USP3: variants seen among roughly 807,000 people sequenced by gnomAD.
USP3 encodes the protein ubiquitin specific peptidase 3, also known as ubiquitin carboxyl-terminal hydrolase 3.
Under a neutral mutation model 72.3 loss-of-function variants are expected in USP3, and 20 were observed. The ratio of observed to expected loss-of-function variants is 0.28; its 90% CI spans 0.19 to 0.40. The LOEUF (loss-of-function observed/expected upper bound fraction) is 0.40, where lower values mean the gene tolerates loss of function less well. Ranked by LOEUF, USP3 falls within the 10% of genes least tolerant of loss-of-function variation. USP3 has a pLI of 1.00. For missense variants in USP3, 479 were observed against 633.9 expected, an observed-to-expected ratio of 0.76 and a Z score of 2.62; for synonymous variants, 222 against 225.3, an observed-to-expected ratio of 0.99 and a Z score of 0.13.
rs1165111323 is a variant in USP3 at position 63,528,322 on chromosome 15, A to C, written c.92-4325A>C. ...CACACCGCTATGGCCAAGTGTGAGA[A>C]ATAAATTGCATGGCTTCCTTTTCCC... On this transcript the variant is annotated intron_variant, in intron 1 of 14. Coordinates refer to ENST00000380324, the MANE Select transcript of USP3 (RefSeq NM_006537.4). The surrounding 1 kb of genome is among the most constrained non-coding windows in gnomAD (Gnocchi z 4.3). 6.6e-6 allele frequency among the ~76,000 whole-genome samples: 1 copy of C among 152,204 alleles called. No homozygotes were observed. Among genetic ancestry groups the C allele is most frequent in the Non-Finnish European group, 1.5e-5 (1 of 68,028 alleles).
intron 1 of USP3, among the ~76,000 whole-genome samples, chr15:63,505,039 C>T (rs1404213036): frequency 2.0e-5 from 3 of 150,758 alleles, no homozygotes; most frequent in Non-Finnish European, 4.4e-5. Context: ...ACGGCCGGGC[C>T]AGCGAAGGAG....
intron 11 of USP3, among the ~76,000 whole-genome samples, chr15:63,579,582 A>G (rs2066919432): frequency 6.6e-6 from 1 of 152,170 alleles, no homozygotes; most frequent in South Asian, 2.1e-4. Flanking sequence ...CAATATTTAA[A>G]TGTGAAACAT....
chr15:63,567,454 C>T (rs537727359), intron 8 of USP3, among the ~76,000 whole-genome samples: 1 of 151,150 alleles, frequency 6.6e-6, no homozygotes, highest in South Asian at 2.1e-4. Flanking sequence ...TCACACCATT[C>T]TCCTGCCTCA....
chr15:63,537,245 C>T (rs2066171522), intron 3 of USP3, 89 bp downstream of exon 3: 3 of 1,415,268 alleles, frequency 2.1e-6, no homozygotes, highest in South Asian at 1.5e-5. Flanking sequence ...AAGCCAGTTA[C>T]TACTGCTGTT....
rs74018128 is a variant in USP3, at chr15:63,574,509, G to A, written c.1096+106G>A. On this transcript the variant is annotated intron_variant, in intron 11 of 14. Coordinates refer to ENST00000380324, the MANE Select transcript of USP3 (RefSeq NM_006537.4). This position sits in a 1 kb window ranked among gnomAD's most constrained non-coding sequence, Gnocchi z 4.6. ...TTTAATTAATATCTTTAATGAATCT[G>A]TGTTGTAACTTAACAAAAGTCAAAC... is the stretch of plus-strand genomic sequence containing the variant. 21 of 815,830 alleles carry A rather than the reference G, an allele frequency of 2.6e-5. No individual in the cohort carries two copies. The highest frequency in any genetic ancestry group is 7.5e-5 in the Admixed American group (2 of 26,592). 50.5% of individuals were successfully genotyped at this position (815,830 alleles called of 1,614,324 possible).
In USP3 at chr15:63,590,915, T is replaced by C. The variant is rs542672617; in HGVS notation, c.*89T>C. On this transcript the variant is annotated 3_prime_UTR_variant, in exon 15 of 15. Transcript: ENST00000380324. ...CTTGATACAAGATTTAATTTCATTA[T>C]GCACTTTTCAATTTCCTATTTTGGA... 3.5e-6 allele frequency: 5 copies of C among 1,419,346 alleles called. No individual in the cohort carries two copies. Among genetic ancestry groups the C allele is most frequent in the African/African-American group, 1.4e-5 (1 of 69,034 alleles). The allele number at this position is 1,419,346 out of a possible 1,614,324, so 87.9% of individuals were successfully genotyped here. A position where few individuals can be genotyped will look rare whatever the true frequency, so the allele number is the denominator to read the frequency against.
intron 1 of USP3, among the ~76,000 whole-genome samples, chr15:63,519,150 A>G (rs999017827): frequency 6.6e-6 from 1 of 152,156 alleles, no homozygotes; most frequent in Non-Finnish European, 1.5e-5. Flanking sequence ...TGCACATTCC[A>G]TGTTCAGATT....
chr15:63,519,962 C>T (rs555945786), intron 1 of USP3, among the ~76,000 whole-genome samples: 4 of 152,138 alleles, frequency 2.6e-5, no homozygotes, highest in African/African-American at 7.2e-5. Flanking sequence ...TTTGGGCACG[C>T]GCCGTCATTC....
chr15:63,563,625 G>A (rs1416774781), intron 8 of USP3, among the ~76,000 whole-genome samples: 1 of 152,202 alleles, frequency 6.6e-6, no homozygotes, highest in Non-Finnish European at 1.5e-5. Context: ...TCCCTGTAGG[G>A]ATTCGGGTGA....
rs889139800 is a variant in USP3 at position 63,544,476 on chromosome 15, T to C, written c.284+7320T>C. The C allele has an allele frequency of 1.9e-6, 1 of 532,194 alleles. No individual in the cohort carries two copies. Among genetic ancestry groups the C allele is most frequent in the Non-Finnish European group, 3.3e-6 (1 of 301,686 alleles). The allele number at this position is 532,194 out of a possible 1,614,324, so 33.0% of individuals were successfully genotyped here. ...TATTGTTTTGACTTTAGTAGACTAG[T>C]GTTTTGTCTTTTAGAATTAGAGGGG... On this transcript the variant is annotated intron_variant, in intron 3 of 14. Coordinates refer to ENST00000380324, the MANE Select transcript of USP3 (RefSeq NM_006537.4). This position sits in a 1 kb window ranked among gnomAD's most constrained non-coding sequence, Gnocchi z 4.2.
chr15:63,557,233 G>C (rs1435607843), intron 5 of USP3, among the ~76,000 whole-genome samples: 4 of 151,874 alleles, frequency 2.6e-5, no homozygotes, highest in Admixed American at 2.0e-4. Flanking sequence ...ACCACGCCTG[G>C]CTAATTTTTG....
chr15:63,571,873 T>G (rs1487968060), intron 9 of USP3, among the ~76,000 whole-genome samples: 3 of 152,220 alleles, frequency 2.0e-5, no homozygotes, highest in Non-Finnish European at 4.4e-5. Context: ...AAATTCAGAT[T>G]TCCTTCAGTG....
intron 3 of USP3, among the ~76,000 whole-genome samples, chr15:63,540,793 A>T (rs2066233747): frequency 6.6e-6 from 1 of 152,250 alleles, no homozygotes; most frequent in Non-Finnish European, 1.5e-5. Flanking sequence ...CTTCTTAAGG[A>T]GATAAGCACA....
chr15:63,583,188 C>T (rs891753930), intron 11 of USP3, among the ~76,000 whole-genome samples: 11 of 152,140 alleles, frequency 7.2e-5, no homozygotes, highest in African/African-American at 2.7e-4. Context: ...GCACAGGCAA[C>T]AATGTCTTGC....
At chr15:63,548,907 A>G (rs1187702629) in intron 3 of USP3, among the ~76,000 whole-genome samples, 1 of 152,200 alleles carries the variant, frequency 6.6e-6, no homozygotes, top group East Asian at 1.9e-4. Flanking sequence ...TTATCTCTTT[A>G]TGCTAGTATT....
chr15:63,545,637 A>T (rs1414782559), intron 3 of USP3, among the ~76,000 whole-genome samples: 1 of 151,876 alleles, frequency 6.6e-6, no homozygotes, highest in Admixed American at 6.6e-5. Context: ...CTTTCTATTA[A>T]ATATAGTCCT....
At position 63,529,125 on chromosome 15, in the gene USP3, A is replaced by G. The variant is rs570548470; in HGVS notation, c.92-3522A>G. On this transcript the variant is annotated intron_variant, in intron 1 of 14. Transcript: ENST00000380324. This position sits in a 1 kb window ranked among gnomAD's most constrained non-coding sequence, Gnocchi z 4.2. ...GTGATTCTTCTGCCTCAGCCTCCCA[A>G]GTAGCTGGGACTACAGATGCAATCA... The G allele has an allele frequency of 7.0e-5, 81 of 1,149,012 alleles. No individual in the cohort carries two copies. In the African/African-American group the frequency reaches 1.2e-3, roughly 16 times the overall value. 71.2% of individuals were successfully genotyped at this position (1,149,012 alleles called of 1,614,324 possible).
At chr15:63,538,942 A>G (rs775414497) in intron 3 of USP3, among the ~76,000 whole-genome samples, 1 of 152,164 alleles carries the variant, frequency 6.6e-6, no homozygotes, top group African/African-American at 2.4e-5. Flanking sequence ...CTGGAGAGAG[A>G]GAAGCTAGAG....
intron 3 of USP3, among the ~76,000 whole-genome samples, chr15:63,547,165 G>A (rs144991139): frequency 6.2e-4 from 94 of 152,270 alleles, no homozygotes; most frequent in African/African-American, 1.6e-3. Flanking sequence ...CCTCTGCCAC[G>A]TTGACAGGCA....
Sources: allele counts gnomAD v4.1 joint callset (sites outside exome capture counted in the v4.1 genomes callset), GRCh38; gene constraint gnomAD v4.1.1; non-coding constraint Gnocchi (gnomAD v3.1); transcripts MANE v1.5; gene names NCBI Gene and HGNC (gene_info 2026-07-23, HGNC 2026-07-21).